CAPRIN1: variants seen among roughly 807,000 people sequenced by gnomAD.
The protein encoded by CAPRIN1 is cell cycle associated protein 1.
In CAPRIN1, 29 loss-of-function variants were observed where a neutral mutation model predicts 100.9. That is an observed-to-expected ratio of 0.29 (90% CI 0.21 to 0.39). CAPRIN1 has a LOEUF of 0.39. CAPRIN1 is among the 10% of genes least tolerant of loss of function. The pLI is 1.00. For synonymous variants in CAPRIN1, 338 were observed against 307.5 expected (o/e 1.10, Z -1.04); for missense variants, 795 against 876.7 (o/e 0.91, Z 1.18).
At chr11:34,066,315 T>A (rs937778465) in intron 2 of CAPRIN1, among the ~76,000 whole-genome samples, 2 of 151,788 alleles carry the variant, frequency 1.3e-5, no homozygotes, top group Admixed American at 6.6e-5. Flanking sequence ...TGTACCTTTT[T>A]AATTTATTTT....
intron 1 of CAPRIN1, 151 bp downstream of exon 1, chr11:34,052,022 C>T (rs1452061182): frequency 1.3e-5 from 2 of 151,588 alleles, no homozygotes; most frequent in Non-Finnish European, 3.0e-5. Context: ...TCTCTGCCCC[C>T]AAGCCCCGAC....
At chr11:34,083,308 C>T (rs1402140454) in intron 9 of CAPRIN1, among the ~76,000 whole-genome samples, 1 of 152,152 alleles carries the variant, frequency 6.6e-6, no homozygotes, top group Non-Finnish European at 1.5e-5. Context: ...TTGTCTCTTA[C>T]TGAAATTAGG....
intron 2 of CAPRIN1, among the ~76,000 whole-genome samples, chr11:34,055,453 G>C (rs1274880300): frequency 6.6e-6 from 1 of 152,176 alleles, no homozygotes; most frequent in East Asian, 1.9e-4. Flanking sequence ...CCCCCGCCCA[G>C]AGTAGCTGGG....
chr11:34,096,758 G>C, intron 16 of CAPRIN1, 85 bp downstream of exon 16: 1 of 1,044,454 alleles, frequency 9.6e-7, no homozygotes, highest in Non-Finnish European at 1.4e-6. Flanking sequence ...CACAGTTTTT[G>C]GGAAGGATGT....
At chr11:34,083,186 A>G in intron 9 of CAPRIN1, 145 bp downstream of exon 9, 1 of 626,828 alleles carries the variant, frequency 1.6e-6, no homozygotes, top group Non-Finnish European at 2.8e-6. Flanking sequence ...TGTTACTTCC[A>G]AAAAATGAAT....
chr11:34,098,663 T>C, intron 18 of CAPRIN1: 1 of 985,174 alleles, frequency 1.0e-6, no homozygotes, highest in Non-Finnish European at 1.2e-6. Flanking sequence ...CTGACTTGAC[T>C]AGAAGTATCA....
chr11:34,083,689 T>G (rs1308531562), intron 9 of CAPRIN1, among the ~76,000 whole-genome samples: 1 of 152,228 alleles, frequency 6.6e-6, no homozygotes, highest in Non-Finnish European at 1.5e-5. Context: ...TTTAGATGTC[T>G]TTCTTTACAC....
intron 12 of CAPRIN1, among the ~76,000 whole-genome samples, chr11:34,089,872 A>C (rs1294199990): frequency 6.6e-6 from 1 of 152,134 alleles, no homozygotes; most frequent in Non-Finnish European, 1.5e-5. Flanking sequence ...AGAACTGAGA[A>C]TTTCAGAAGA....
intron 2 of CAPRIN1, among the ~76,000 whole-genome samples, chr11:34,054,265 A>T (rs751878603): frequency 5.9e-5 from 9 of 151,724 alleles, no homozygotes; most frequent in Non-Finnish European, 1.3e-4. Flanking sequence ...TGTATGTTTT[A>T]TTATAGGTAA....
intron 2 of CAPRIN1, among the ~76,000 whole-genome samples, chr11:34,058,657 C>G (rs1416757590): frequency 1.3e-5 from 2 of 152,000 alleles, no homozygotes; most frequent in Non-Finnish European, 1.5e-5. Context: ...TTGCATTGTC[C>G]GGGTAATGGG....
At chr11:34,053,127 G>C (rs1206007688) in intron 2 of CAPRIN1, 1 of 992,300 alleles carries the variant, frequency 1.0e-6, no homozygotes, top group African/African-American at 1.7e-5. Flanking sequence ...CCATGCACTC[G>C]AGACCTGTCG....
At chr11:34,090,985 T>G (rs1393803358) in intron 14 of CAPRIN1, among the ~76,000 whole-genome samples, 1 of 152,206 alleles carries the variant, frequency 6.6e-6, no homozygotes, top group Non-Finnish European at 1.5e-5. Flanking sequence ...ATCCATATAA[T>G]CATTACCTAG....
intron 7 of CAPRIN1, 148 bp downstream of exon 7, chr11:34,079,913 T>TG (rs1850983788): frequency 6.3e-4 from 1 of 1,582 alleles, no homozygotes; most frequent in African/African-American, 6.5e-3. Context: ...AAGTTTTTTT[T>TG]TTTTTTTTTT....
At position 34,091,366 on chromosome 11, in the gene CAPRIN1, A is replaced by G. The variant is rs1448582773; in HGVS notation, c.1555-540A>G. On this transcript the variant is annotated intron_variant, in intron 14 of 18. Transcript: ENST00000341394. ...TAGTGGCGTGATCTCAGCTCACTGC[A>G]ATATCCGCCTCCTGGGTTCAAGCGA... Among the ~76,000 whole-genome samples, 5 of 152,206 alleles carry G rather than the reference A, an allele frequency of 3.3e-5. No individual in the cohort carries two copies. In the South Asian group the frequency reaches 1.0e-3, roughly 31 times the overall value.
chr11:34,061,800 G>A (rs945023876), intron 2 of CAPRIN1, among the ~76,000 whole-genome samples: 3 of 151,546 alleles, frequency 2.0e-5, no homozygotes, highest in Admixed American at 6.6e-5. Context: ...GTGAAACCCC[G>A]TCTCTACTAA....
intron 2 of CAPRIN1, among the ~76,000 whole-genome samples, chr11:34,064,835 G>T (rs1031147674): frequency 5.3e-5 from 8 of 151,908 alleles, no homozygotes; most frequent in Admixed American, 2.0e-4. Context: ...TAGTTACTAG[G>T]TTAGATTCGT....
chr11:34,067,962 A>G (rs73497066), intron 2 of CAPRIN1, among the ~76,000 whole-genome samples: 6,650 of 152,236 alleles, frequency 0.044, 478 homozygotes, highest in African/African-American at 0.15. Context: ...CGTGTAACAG[A>G]TTAATCCAAA....
chr11:34,096,580 C>A lies in CAPRIN1; in HGVS notation c.1807C>A (p.Pro603Thr), dbSNP rs1315880441. 1 of 1,613,886 alleles carries A rather than the reference C, an allele frequency of 6.2e-7. No homozygotes were observed. The highest frequency in any genetic ancestry group is 8.5e-7 in the Non-Finnish European group (1 of 1,179,946). ...CACTGGATTTCCACGTAGCAATCAG[C>A]CCTATTACAATAGTCGTGGTGTGTC... ...QNTGFPRSNQ[P>T]YYNSRGVSRG... is the part of the protein sequence containing the mutation. The change falls in exon 16 of 19, where the codon CCC becomes ACC. Residue 603 changes from proline (P) to threonine (T), a missense_variant. Around this residue, in one of 3 missense-constraint regions of CAPRIN1, gnomAD observed 648 missense variants for 697.9 expected, o/e 0.93. Coordinates refer to ENST00000341394, the MANE Select transcript of CAPRIN1 (RefSeq NM_005898.5).
intron 12 of CAPRIN1, among the ~76,000 whole-genome samples, chr11:34,089,777 A>C (rs1851227595): frequency 6.6e-6 from 1 of 151,878 alleles, no homozygotes. Context: ...GTTTAGGTTC[A>C]TTTTTCCTCT....
Sources: allele counts gnomAD v4.1 joint callset (sites outside exome capture counted in the v4.1 genomes callset), GRCh38; gene constraint gnomAD v4.1.1; regional missense constraint gnomAD v4.1.1; transcripts MANE v1.5; gene names NCBI Gene and HGNC (gene_info 2026-07-23, HGNC 2026-07-21).